Variants in COL22A1 observed in about 807,000 individuals in gnomAD.
COL22A1 encodes the protein collagen alpha-1(XXII) chain.
COL22A1 carries 221 observed loss-of-function variants against 248.9 expected under a neutral mutation model. That is an observed-to-expected ratio of 0.89 (90% CI 0.80 to 0.99). COL22A1 has a LOEUF of 0.99. Ranked by LOEUF, COL22A1 falls within the 50% of genes least tolerant of loss-of-function variation. The pLI is 0.00. For missense variants in COL22A1, 2,240 were observed against 2,179.0 expected (o/e 1.03, Z -0.56); for synonymous variants, 891 against 793.4 (o/e 1.12, Z -2.07).
chr8:138,837,122 C>T (rs1586858146), intron 4 of COL22A1, among the ~76,000 whole-genome samples: 1 of 152,176 alleles, frequency 6.6e-6, no homozygotes, highest in African/African-American at 2.4e-5. Flanking sequence ...GGGGGGAAGC[C>T]AGCACCCAGG....
At position 138,878,164 on chromosome 8, in the gene COL22A1, A is replaced by G. The variant is rs750512532; in HGVS notation, c.244T>C (p.Tyr82His). The G allele has an allele frequency of 4.4e-6, 7 of 1,605,344 alleles. No individual in the cohort carries two copies. In the South Asian group the frequency reaches 6.7e-5, roughly 15 times the overall value. The change falls in exon 3 of 65, where the codon TAC (tyrosine) becomes CAC (histidine). Residue 82 changes from tyrosine to histidine, a missense_variant. By Grantham distance (83) the Tyr-to-His change is moderately conservative (BLOSUM62 2). Coordinates refer to ENST00000303045, the MANE Select transcript of COL22A1 (RefSeq NM_152888.3). ...PDRTRVGVVRYSDRPTTAFEL... is the reference protein window; with the variant it reads ...PDRTRVGVVRHSDRPTTAFEL... ...AAGGCCGTGGTGGGCCGGTCGCTGT[A>G]GCGCACGACCCCCACACGGGTGCGG... is the stretch of plus-strand genomic sequence containing the variant.
At chr8:138,672,627 T>C (rs1390286493) in intron 41 of COL22A1, among the ~76,000 whole-genome samples, 2 of 152,054 alleles carry the variant, frequency 1.3e-5, no homozygotes, top group Non-Finnish European at 2.9e-5. Context: ...GGAGGGACAG[T>C]GAGAGGCTCA....
At chr8:138,875,665 T>C (rs1161518026) in intron 3 of COL22A1, among the ~76,000 whole-genome samples, 1 of 152,138 alleles carries the variant, frequency 6.6e-6, no homozygotes, top group Non-Finnish European at 1.5e-5. Flanking sequence ...GCTCCAGTCC[T>C]GCCTGGGATG....
intron 22 of COL22A1, among the ~76,000 whole-genome samples, chr8:138,747,383 GA>G (rs1832205751): frequency 6.6e-6 from 1 of 152,014 alleles, no homozygotes; most frequent in African/African-American, 2.4e-5. Context: ...TGAAAACATG[GA>G]AAAGCTCCAT....
chr8:138,867,844 G>T (rs1388291629), intron 3 of COL22A1, among the ~76,000 whole-genome samples: 1 of 152,174 alleles, frequency 6.6e-6, no homozygotes, highest in Admixed American at 6.5e-5. Flanking sequence ...TCGGCTCACT[G>T]CAACCTGACT....
chr8:138,905,119 C>G (rs975558875), intron 1 of COL22A1, among the ~76,000 whole-genome samples: 1 of 152,224 alleles, frequency 6.6e-6, no homozygotes, highest in Non-Finnish European at 1.5e-5. Flanking sequence ...ATGACAAACT[C>G]TAAGCTCTTG....
rs1817127300 is a variant in COL22A1, at chr8:138,802,937, G to A, written c.1495-3C>T. 1 of 1,612,380 alleles carries A rather than the reference G, an allele frequency of 6.2e-7. No homozygotes were observed. The highest frequency in any genetic ancestry group is 1.7e-5 in the Admixed American group (1 of 60,004). On this transcript the variant is annotated splice_region_variant and splice_polypyrimidine_tract_variant and intron_variant, in intron 10 of 64. Transcript: ENST00000303045. ...GGCCCAATGGCTCCTATGTCTCCCTGAGGGGTTGAGACCAGAGACAAGCAT... is the reference window on the plus strand; with the variant it reads ...GGCCCAATGGCTCCTATGTCTCCCTAAGGGGTTGAGACCAGAGACAAGCAT...
At chr8:138,752,432 C>G (rs1832679393) in intron 21 of COL22A1, among the ~76,000 whole-genome samples, 1 of 152,210 alleles carries the variant, frequency 6.6e-6, no homozygotes, top group Non-Finnish European at 1.5e-5. Flanking sequence ...ATCAAAGGTC[C>G]TTTCTCTTAA....
At chr8:138,702,121 G>T (rs916916785) in intron 31 of COL22A1, among the ~76,000 whole-genome samples, 4 of 152,136 alleles carry the variant, frequency 2.6e-5, no homozygotes, top group African/African-American at 9.7e-5. Flanking sequence ...TAAGCTTAGG[G>T]GTAGGCACTT....
At chr8:138,908,155 C>G (rs764359944) in intron 1 of COL22A1, among the ~76,000 whole-genome samples, 42 of 152,180 alleles carry the variant, frequency 2.8e-4, no homozygotes, top group Admixed American at 5.2e-4. Context: ...TATGACAGTT[C>G]AACCTTTCAA....
At chr8:138,611,403 T>C (rs1429615381) in intron 56 of COL22A1, among the ~76,000 whole-genome samples, 1 of 152,206 alleles carries the variant, frequency 6.6e-6, no homozygotes, top group Non-Finnish European at 1.5e-5. Flanking sequence ...CAAGCCCAGA[T>C]GGCTGAACTC....
At chr8:138,887,204 C>A (rs939605096) in intron 1 of COL22A1, among the ~76,000 whole-genome samples, 1 of 151,810 alleles carries the variant, frequency 6.6e-6, no homozygotes, top group Non-Finnish European at 1.5e-5. Context: ...CCCTCACTAT[C>A]CTTCCCAGAC....
At chr8:138,828,984 CT>C (rs1563818441) in intron 5 of COL22A1, among the ~76,000 whole-genome samples, 1 of 152,178 alleles carries the variant, frequency 6.6e-6, no homozygotes, top group Admixed American at 6.5e-5. Context: ...ATTGACTTCC[CT>C]GCTGGAGGAG....
At chr8:138,865,346 ATG>A (rs1168189279) in intron 3 of COL22A1, among the ~76,000 whole-genome samples, 1 of 151,962 alleles carries the variant, frequency 6.6e-6, no homozygotes, top group Admixed American at 6.6e-5. Context: ...ATGTGAGCAC[ATG>A]TGTGTCTATG....
rs77848556 is a variant in COL22A1, at chr8:138,645,932, C to T, written c.3501+697G>A. 3.5e-3 allele frequency among the ~76,000 whole-genome samples: 533 copies of T among 152,220 alleles called. 4 individuals carry two copies. Among genetic ancestry groups the T allele is most frequent in the African/African-American group, 0.012 (508 of 41,524 alleles). ...ACACTCTGGGGAGCACCAATGACAG[C>T]GGGAAGGGAATGAGGGTGTGGGTCT... is the stretch of plus-strand genomic sequence containing the variant. On this transcript the variant is annotated intron_variant, in intron 47 of 64. Transcript: ENST00000303045.
intron 32 of COL22A1, among the ~76,000 whole-genome samples, chr8:138,697,093 A>G (rs1037001670): frequency 6.6e-5 from 10 of 152,138 alleles, no homozygotes; most frequent in African/African-American, 2.2e-4. Flanking sequence ...AGGGCCAGAG[A>G]AGGACTCCAG....
At chr8:138,811,244 C>A (rs1327172759) in intron 9 of COL22A1, among the ~76,000 whole-genome samples, 1 of 150,328 alleles carries the variant, frequency 6.7e-6, no homozygotes, top group Non-Finnish European at 1.5e-5. Context: ...AATAGAAACA[C>A]ATAGACAAAA....
At chr8:138,714,549 C>A (rs1191131606) in intron 30 of COL22A1, among the ~76,000 whole-genome samples, 5 of 152,196 alleles carry the variant, frequency 3.3e-5, no homozygotes, top group African/African-American at 1.2e-4. Context: ...ACAGCTCCCT[C>A]CCCTTGTCCT....
intron 1 of COL22A1, among the ~76,000 whole-genome samples, chr8:138,896,387 C>G (rs543092761): frequency 6.6e-6 from 1 of 152,130 alleles, no homozygotes; most frequent in Non-Finnish European, 1.5e-5. Flanking sequence ...AAGGTTTCTA[C>G]ACTAAACTCA....
Sources: gnomAD v4.1 joint callset for allele counts (sites outside exome capture counted in the v4.1 genomes callset) on GRCh38, gnomAD v4.1.1 for gene constraint, MANE v1.5 for transcripts, NCBI Gene and HGNC (gene_info 2026-07-23, HGNC 2026-07-21) for gene names.